The following NPNT variants were observed in gnomAD, a reference collection of about 807,000 sequenced individuals.
NPNT encodes the protein preosteoblast EGF-like repeat protein with MAM domain.
NPNT carries 45 observed loss-of-function variants against 68.6 expected under a neutral mutation model. The observed-to-expected ratio is 0.66, with a 90% CI of 0.52 to 0.84. The LOEUF (loss-of-function observed/expected upper bound fraction) is 0.84. NPNT is among the 40% of genes least tolerant of loss of function. NPNT has a pLI of 0.00. For synonymous variants in NPNT, 233 were observed against 253.3 expected (o/e 0.92, Z 0.76); for missense variants, 672 against 714.8 (o/e 0.94, Z 0.68).
At chr4:105,936,873 T>G (rs1040497856) in intron 3 of NPNT, 136 bp from the exon 4 acceptor site, 6 of 824,668 alleles carry the variant, frequency 7.3e-6, no homozygotes, top group African/African-American at 1.8e-5. Context: ...ACAGGATCTA[T>G]CTCTTATGTA....
At chr4:105,962,661 A>G (rs1421096575) in intron 10 of NPNT, among the ~76,000 whole-genome samples, 2 of 152,322 alleles carry the variant, frequency 1.3e-5, no homozygotes, top group Admixed American at 1.3e-4. Context: ...GCAGGATTCT[A>G]GCTTGGAAAG....
chr4:105,909,680 G>T (rs939539755), intron 2 of NPNT, among the ~76,000 whole-genome samples: 4 of 152,154 alleles, frequency 2.6e-5, no homozygotes, highest in Non-Finnish European at 4.4e-5. Flanking sequence ...TGAAGAGTTT[G>T]CAGGCTAATA....
chr4:105,896,055 T>G (rs1416003913), intron 1 of NPNT: 1 of 351,260 alleles, frequency 2.8e-6, no homozygotes, highest in East Asian at 5.9e-5. Context: ...TACGCCGAGG[T>G]GACGCGCGAA....
At chr4:105,968,546 G>C (rs1220311991) in intron 11 of NPNT, among the ~76,000 whole-genome samples, 1 of 152,160 alleles carries the variant, frequency 6.6e-6, no homozygotes, top group African/African-American at 2.4e-5. Flanking sequence ...TCAGATCTTT[G>C]GCTCCTAATA....
chr4:105,960,827 CTCA>C (rs1213755636), intron 10 of NPNT, among the ~76,000 whole-genome samples: 3 of 152,146 alleles, frequency 2.0e-5, no homozygotes, highest in East Asian at 1.9e-4. Context: ...TATTTAAAAT[CTCA>C]TCAATTTTAT....
Position 105,942,311 on chromosome 4 carries a change from C to G in NPNT, c.768C>G (p.Ile256Met), listed in dbSNP as rs775714820. The G allele has an allele frequency of 2.5e-6, 4 of 1,590,904 alleles. No individual in the cohort carries two copies. In the African/African-American group the frequency reaches 5.4e-5, roughly 21 times the overall value. ...TTAAGTCTTTGACTCTTTCAGATAT[C>G]CCAAAAGTTATGATTGAACCTTCAG... ...YQGDGLTCVY[I>M]PKVMIEPSGP... Residue 256 changes from isoleucine to methionine, a missense_variant, in exon 8 of 12, where the codon ATC (isoleucine) becomes ATG (methionine). Physicochemically the swap from Ile to Met is conservative, Grantham distance 10. Coordinates refer to ENST00000379987, the MANE Select transcript of NPNT (RefSeq NM_001033047.3).
At chr4:105,960,523 A>T (rs982804711) in intron 10 of NPNT, among the ~76,000 whole-genome samples, 1 of 152,252 alleles carries the variant, frequency 6.6e-6, no homozygotes, top group Non-Finnish European at 1.5e-5. Context: ...GTTGAAATAG[A>T]GATTTACTTA....
intron 2 of NPNT, among the ~76,000 whole-genome samples, chr4:105,906,565 A>G (rs1005477351): frequency 6.6e-6 from 1 of 152,228 alleles, no homozygotes; most frequent in Non-Finnish European, 1.5e-5. Flanking sequence ...TTTTGGATGG[A>G]CAGCTCTGGA....
intron 3 of NPNT, among the ~76,000 whole-genome samples, chr4:105,932,101 CTGT>C (rs1438687529): frequency 6.6e-6 from 1 of 152,066 alleles, no homozygotes; most frequent in African/African-American, 2.4e-5. Context: ...ATCTATTATG[CTGT>C]TATTTAAATA....
intron 10 of NPNT, among the ~76,000 whole-genome samples, chr4:105,965,590 G>T (rs1419411067): frequency 1.3e-5 from 2 of 152,130 alleles, no homozygotes; most frequent in Non-Finnish European, 2.9e-5. Flanking sequence ...AAACTTGCAG[G>T]TTAACTGTAA....
At chr4:105,911,160 C>T (rs1727331036) in intron 2 of NPNT, among the ~76,000 whole-genome samples, 1 of 151,772 alleles carries the variant, frequency 6.6e-6, no homozygotes, top group Non-Finnish European at 1.5e-5. Context: ...AATGTGTCAA[C>T]ATCAAGATAT....
At chr4:105,902,189 T>C (rs1430219199) in intron 2 of NPNT, among the ~76,000 whole-genome samples, 1 of 152,206 alleles carries the variant, frequency 6.6e-6, no homozygotes, top group Admixed American at 6.5e-5. Flanking sequence ...TTTTGAATAC[T>C]CTCTTTAAAA....
intron 2 of NPNT, among the ~76,000 whole-genome samples, chr4:105,916,149 T>G (rs980140106): frequency 1.3e-5 from 2 of 152,304 alleles, no homozygotes; most frequent in Middle Eastern, 3.4e-3. Flanking sequence ...TTTTTTGTTT[T>G]ACATCACCAC....
intron 8 of NPNT, among the ~76,000 whole-genome samples, chr4:105,944,898 G>A (rs546686709): frequency 2.8e-4 from 43 of 152,314 alleles, no homozygotes; most frequent in African/African-American, 1.0e-3. Flanking sequence ...CAAATAACCA[G>A]TGTCTATTCA....
chr4:105,897,662 G>T (rs960581218), intron 1 of NPNT, among the ~76,000 whole-genome samples: 4 of 152,046 alleles, frequency 2.6e-5, no homozygotes, highest in Admixed American at 2.0e-4. Flanking sequence ...TTTCCCTCCC[G>T]TTTTTTCTCC....
At chr4:105,941,716 T>G (rs1190024206) in intron 7 of NPNT, among the ~76,000 whole-genome samples, 1 of 152,200 alleles carries the variant, frequency 6.6e-6, no homozygotes, top group African/African-American at 2.4e-5. Context: ...AAATGTCTAT[T>G]TAAAAGCAGT....
chr4:105,930,842 C>G (rs1347733156), intron 3 of NPNT, among the ~76,000 whole-genome samples: 1 of 152,172 alleles, frequency 6.6e-6, no homozygotes, highest in African/African-American at 2.4e-5. Flanking sequence ...AATACCAGGG[C>G]AAGCTGCATT....
intron 1 of NPNT, 51 bp from the exon 2 acceptor site, chr4:105,897,850 C>T: frequency 7.1e-7 from 1 of 1,415,816 alleles, no homozygotes; most frequent in Non-Finnish European, 1.0e-6. Context: ...GAGGAAATTA[C>T]CTTTCTTCTC....
In NPNT at chr4:105,958,528, G is replaced by T. The variant is rs998370320; in HGVS notation, c.1217G>T (p.Ser406Ile). ...FEIFEIERGV[S>I]ADDEAKDDPG... ...ATATTTGAAATAGAAAGAGGAGTCA[G>T]TGCAGACGATGAAGCAAAGGATGAT... Residue 406 changes from serine (S) to isoleucine (I), a missense_variant, in exon 9 of 12, where the codon AGT (serine) becomes ATT (isoleucine). Physicochemically the swap from Ser to Ile is moderately radical, Grantham distance 142. Coordinates refer to ENST00000379987, the MANE Select transcript of NPNT (RefSeq NM_001033047.3). 1.1e-5 allele frequency: 17 copies of T among 1,609,064 alleles called. No individual in the cohort carries two copies. The Middle Eastern group carries it at 6.6e-4, about 63-fold the overall frequency.
Sources: allele counts gnomAD v4.1 joint callset (sites outside exome capture counted in the v4.1 genomes callset), GRCh38; gene constraint gnomAD v4.1.1; transcripts MANE v1.5; gene names NCBI Gene and HGNC (gene_info 2026-07-23, HGNC 2026-07-21).